The following INPP5A variants were observed in gnomAD, a reference collection of about 807,000 sequenced individuals.
INPP5A encodes 43 kDa inositol polyphosphate 5-phophatase.
In INPP5A, 14 loss-of-function variants were observed where a neutral mutation model predicts 65.2. The ratio of observed to expected loss-of-function variants is 0.21; its 90% CI spans 0.14 to 0.34. INPP5A has a LOEUF of 0.34. INPP5A is among the 10% of genes least tolerant of loss of function. The pLI is 1.00. For synonymous variants in INPP5A, 207 were observed against 208.3 expected (o/e 0.99, Z 0.05); for missense variants, 431 against 545.6 (o/e 0.79, Z 2.09).
At chr10:132,731,061 A>G (rs1193134595) in intron 9 of INPP5A, among the ~76,000 whole-genome samples, 1 of 152,124 alleles carries the variant, frequency 6.6e-6, no homozygotes, top group African/African-American at 2.4e-5. Flanking sequence ...CTGTTCTCGG[A>G]ACCACAGCCC....
At chr10:132,606,645 A>G (rs1242187529) in intron 1 of INPP5A, among the ~76,000 whole-genome samples, 1 of 152,186 alleles carries the variant, frequency 6.6e-6, no homozygotes, top group Non-Finnish European at 1.5e-5. Flanking sequence ...CAGCAAGTGA[A>G]CGGAGGAGCG....
At chr10:132,559,600 G>A (rs576260272) in intron 1 of INPP5A, among the ~76,000 whole-genome samples, 18 of 152,192 alleles carry the variant, frequency 1.2e-4, no homozygotes, top group Non-Finnish European at 2.1e-4. Context: ...CCTTCGCATC[G>A]TACTTCACGT....
chr10:132,649,695 G>T (rs1001006147), intron 3 of INPP5A, among the ~76,000 whole-genome samples: 1 of 152,122 alleles, frequency 6.6e-6, no homozygotes, highest in East Asian at 1.9e-4. Flanking sequence ...ATAAGCATGC[G>T]TGGGTAGGGG....
chr10:132,736,218 T>C (rs569992679), intron 9 of INPP5A, among the ~76,000 whole-genome samples: 2 of 152,320 alleles, frequency 1.3e-5, no homozygotes, highest in South Asian at 4.1e-4. Context: ...GAGGGTGTGT[T>C]TCCTGCCTCG....
Position 132,750,872 on chromosome 10 carries a change from G to T in INPP5A, c.903+1027G>T, listed in dbSNP as rs868178265. ...GGGAGTGGCCGGGGGAGAGGTGAGG[G>T]AGCACAGGCGGGTAGACCCAGGACA... On this transcript the variant is annotated intron_variant, in intron 11 of 15. Transcript: ENST00000368594. Among the ~76,000 whole-genome samples, 30 of 152,356 alleles carry T rather than the reference G, an allele frequency of 2.0e-4. No homozygotes were observed. In the East Asian group the frequency reaches 2.9e-3, roughly 15 times the overall value.
chr10:132,782,224 C>A lies in INPP5A; in HGVS notation c.*195C>A. ...TCACATACCTCACTGTCTCGTCTGT[C>A]TATGTGACATTAAGTAGAAATATTG... is the stretch of plus-strand genomic sequence containing the variant. On this transcript the variant is annotated 3_prime_UTR_variant, in exon 16 of 16. Coordinates refer to ENST00000368594, the MANE Select transcript of INPP5A (RefSeq NM_005539.5). This position sits in a 1 kb window ranked among gnomAD's most constrained non-coding sequence, Gnocchi z 4.4. The A allele has an allele frequency of 7.9e-5, 46 of 584,874 alleles. No homozygotes were observed. Among genetic ancestry groups the A allele is most frequent in the Non-Finnish European group, 1.2e-4 (41 of 337,872 alleles). The allele number at this position is 584,874 out of a possible 1,614,324, so 36.2% of individuals were successfully genotyped here.
chr10:132,720,386 A>G (rs1216951001), intron 8 of INPP5A, among the ~76,000 whole-genome samples: 152 of 106,786 alleles, frequency 1.4e-3, no homozygotes, highest in East Asian at 3.1e-3. Flanking sequence ...CTGTCTGGGC[A>G]CCTTAGACGG....
chr10:132,645,111 G>A (rs1266748917), intron 2 of INPP5A, among the ~76,000 whole-genome samples: 3 of 151,972 alleles, frequency 2.0e-5, no homozygotes, highest in South Asian at 4.2e-4. Flanking sequence ...CTCTTTAGCT[G>A]TAAAAGTTTG....
chr10:132,558,724 A>G lies in INPP5A; in HGVS notation c.75+20553A>G, dbSNP rs149663923. On this transcript the variant is annotated intron_variant, in intron 1 of 15. Coordinates refer to ENST00000368594, the MANE Select transcript of INPP5A (RefSeq NM_005539.5). ...TCAGTGCTAGCCTAGCCTCGCTGCCATCGCATGCAGTTGACCAGCTTCTTG... is the reference window on the plus strand; with the variant it reads ...TCAGTGCTAGCCTAGCCTCGCTGCCGTCGCATGCAGTTGACCAGCTTCTTG... Among the ~76,000 whole-genome samples, 291 of 152,348 alleles carry G rather than the reference A, an allele frequency of 1.9e-3. 1 individual carries two copies. Among genetic ancestry groups the G allele is most frequent in the East Asian group, 0.014 (70 of 5,184 alleles).
intron 4 of INPP5A, among the ~76,000 whole-genome samples, chr10:132,652,373 C>T (rs554151197): frequency 5.9e-5 from 9 of 152,264 alleles, no homozygotes; most frequent in South Asian, 2.1e-4. Flanking sequence ...CCAGGAGGAG[C>T]GGGGAAAGGA....
rs889203899 is a variant in INPP5A, at chr10:132,538,049, G to GGCCGCC, written c.-35_-30dup. On this transcript the variant is annotated 5_prime_UTR_variant, in exon 1 of 16. Transcript: ENST00000368594. The surrounding 1 kb of genome is among the most constrained non-coding windows in gnomAD (Gnocchi z 4.1). ...CCGGCCGGCCGGTCCCGGAGGAAGC[G>GGCCGCC]GCCGCCGCCGCCGCCGCCCAGCCCA... is the stretch of plus-strand genomic sequence containing the variant. The GGCCGCC allele has an allele frequency of 4.1e-6, 4 of 964,112 alleles. No homozygotes were observed. The highest frequency in any genetic ancestry group is 1.8e-5 in the African/African-American group (1 of 56,322). The allele number at this position is 964,112 out of a possible 1,614,324, so 59.7% of individuals were successfully genotyped here. A position where few individuals can be genotyped will look rare whatever the true frequency, so the allele number is the denominator to read the frequency against.
At chr10:132,694,170 T>C (rs1845310856) in intron 5 of INPP5A, among the ~76,000 whole-genome samples, 1 of 152,162 alleles carries the variant, frequency 6.6e-6, no homozygotes, top group African/African-American at 2.4e-5. Context: ...AGAAACCATA[T>C]ACAGCATGCT....
intron 2 of INPP5A, among the ~76,000 whole-genome samples, chr10:132,636,028 T>C (rs1325151727): frequency 1.3e-5 from 2 of 150,548 alleles, no homozygotes; most frequent in African/African-American, 4.9e-5. Context: ...TGCTAGTTAA[T>C]ATTGTACTAC....
intron 1 of INPP5A, among the ~76,000 whole-genome samples, chr10:132,596,845 ATGCGTGTGTG>A (rs1165440170): frequency 1.5e-5 from 2 of 134,064 alleles, no homozygotes; most frequent in Non-Finnish European, 3.4e-5. Context: ...GCGTGTGTGC[ATGCGTGTGTG>A]TGCATGTGTG....
At chr10:132,701,956 G>A (rs1480919678) in intron 6 of INPP5A, among the ~76,000 whole-genome samples, 2 of 152,234 alleles carry the variant, frequency 1.3e-5, no homozygotes, top group African/African-American at 2.4e-5. Flanking sequence ...TGGGGCCACC[G>A]AAGGGTGCAT....
intron 12 of INPP5A, among the ~76,000 whole-genome samples, chr10:132,766,108 CTG>C (rs1332687964): frequency 2.0e-5 from 3 of 151,370 alleles, no homozygotes; most frequent in Admixed American, 6.6e-5. Context: ...ACGAGTGCAT[CTG>C]TGTGTGCACC....
intron 8 of INPP5A, among the ~76,000 whole-genome samples, chr10:132,724,626 G>A (rs777399096): frequency 2.0e-4 from 30 of 147,662 alleles, no homozygotes; most frequent in South Asian, 4.4e-4. Context: ...CATATTCACC[G>A]CAGATGGGGG....
At chr10:132,615,365 A>G (rs956739267) in intron 2 of INPP5A, among the ~76,000 whole-genome samples, 7 of 152,346 alleles carry the variant, frequency 4.6e-5, no homozygotes, top group African/African-American at 7.2e-5. Flanking sequence ...CTGGAAGCAC[A>G]TGGGATGCTG....
intron 2 of INPP5A, among the ~76,000 whole-genome samples, chr10:132,624,499 CCGGCGTGTCTG>C (rs1182964481): frequency 9.8e-5 from 14 of 142,254 alleles, no homozygotes; most frequent in African/African-American, 3.7e-4. Context: ...GCACTTCCCA[CCGGCGTGTCTG>C]CACTTCCACC....
Sources: gnomAD v4.1 joint callset for allele counts (sites outside exome capture counted in the v4.1 genomes callset) on GRCh38, gnomAD v4.1.1 for gene constraint, Gnocchi (gnomAD v3.1) non-coding constraint, MANE v1.5 for transcripts, NCBI Gene and HGNC (gene_info 2026-07-23, HGNC 2026-07-21) for gene names.